PABIR2: variants seen among roughly 807,000 people sequenced by gnomAD.
The protein encoded by PABIR2 is PABIR family member 2, also known as family with sequence similarity 122B.
PABIR2 carries 7 observed loss-of-function variants against 22.8 expected under a neutral mutation model. The ratio of observed to expected loss-of-function variants is 0.31; its 90% CI spans 0.17 to 0.58. The LOEUF is 0.58. Among genes scored for constraint, PABIR2 ranks in the 20% least tolerant of loss-of-function variants. The probability of loss-of-function intolerance (pLI) is 0.89; values close to 1 mark genes in which losing one functional copy is unlikely to be tolerated. For missense variants in PABIR2, 155 were observed against 205.1 expected (o/e 0.76, Z 1.49); for synonymous variants, 67 against 73.8 (o/e 0.91, Z 0.47).
chrX:134,782,266 C>G (rs2079176779), intron 8 of PABIR2, among the ~76,000 whole-genome samples: 1 of 112,069 alleles, frequency 8.9e-6, no homozygotes, highest in Admixed American at 9.5e-5. Context: ...ATATTGTATG[C>G]TACATGGTTA....
chrX:134,787,679 G>A (rs1390000035), intron 6 of PABIR2, 146 bp from the exon 7 acceptor site: 58 of 505,864 alleles, frequency 1.1e-4, no homozygotes, highest in Non-Finnish European at 1.5e-4. Flanking sequence ...GCAGTGATGC[G>A]ATCATAGCTT....
chrX:134,788,997 A>G (rs1325126427), intron 5 of PABIR2, 88 bp downstream of exon 5: 9 of 1,120,267 alleles, frequency 8.0e-6, no homozygotes, highest in Non-Finnish European at 3.7e-6. Flanking sequence ...TAGAAGGGGA[A>G]AGAAGTGTGC....
At chrX:134,785,075 CAG>C (rs1383863503) in intron 8 of PABIR2, among the ~76,000 whole-genome samples, 2 of 111,502 alleles carry the variant, frequency 1.8e-5, no homozygotes, top group Non-Finnish European at 3.8e-5. Flanking sequence ...ATTTAGATAA[CAG>C]AGAGGCAATT....
chrX:134,787,601 G>GT (rs1330472620), intron 6 of PABIR2, 68 bp from the exon 7 acceptor site: 4 of 378,449 alleles, frequency 1.1e-5, no homozygotes, highest in South Asian at 9.4e-5. Context: ...TAGCACTCCA[G>GT]TTTTCTTTCT....
At chrX:134,786,034 A>G in intron 7 of PABIR2, 84 bp from the exon 8 acceptor site, 1 of 853,763 alleles carries the variant, frequency 1.2e-6, no homozygotes, top group South Asian at 2.2e-5. Context: ...AAATACATAA[A>G]TAAAATGGAC....
intron 9 of PABIR2, among the ~76,000 whole-genome samples, chrX:134,775,391 G>A (rs1303927954): frequency 9.2e-6 from 1 of 108,400 alleles, no homozygotes; most frequent in African/African-American, 3.4e-5. Context: ...GGTGGCGGGC[G>A]CCTGTAGTCC....
At chrX:134,791,362 G>C (rs778045516) in intron 2 of PABIR2, among the ~76,000 whole-genome samples, 29 of 111,174 alleles carry the variant, frequency 2.6e-4, no homozygotes, top group African/African-American at 9.2e-4. Context: ...TGGAGTTGTG[G>C]TAGAAGCAGC....
Position 134,770,284 on chromosome X carries a change from A to G in PABIR2, c.*1855T>C, listed in dbSNP as rs2078818881. 1 of 112,473 alleles carries G rather than the reference A, an allele frequency of 8.9e-6. No homozygotes were observed. The highest frequency in any genetic ancestry group is 3.7e-4 in the South Asian group (1 of 2,707). The allele number at this position is 112,473 out of a possible 1,213,427, so 9.3% of individuals were successfully genotyped here. A position where few individuals can be genotyped will look rare whatever the true frequency, so the allele number is the denominator to read the frequency against. ...TACCATCGAAGAATTTTTTCTTTATAATGGCATACTAGGGGACAAGCTTCA... is the reference window on the plus strand; with the variant it reads ...TACCATCGAAGAATTTTTTCTTTATGATGGCATACTAGGGGACAAGCTTCA... On this transcript the variant is annotated 3_prime_UTR_variant, in exon 10 of 10. Transcript: ENST00000343004.
In PABIR2 at chrX:134,789,211, C is replaced by T; in HGVS notation, c.278+12G>A. The T allele has an allele frequency of 8.3e-7, 1 of 1,212,112 alleles. No individual in the cohort carries two copies. Among genetic ancestry groups the T allele is most frequent in the Non-Finnish European group, 1.1e-6 (1 of 895,558 alleles). Reference sequence around the variant, plus strand: ...CTTATTAGGCTAGGCCCTGCTCTTGCAAAGCACTAACCTTTCATGTGCAGT... The same window carrying T: ...CTTATTAGGCTAGGCCCTGCTCTTGTAAAGCACTAACCTTTCATGTGCAGT... On this transcript the variant is annotated intron_variant, in intron 4 of 9. Coordinates refer to ENST00000343004, the MANE Select transcript of PABIR2 (RefSeq NM_001387468.1).
intron 2 of PABIR2, among the ~76,000 whole-genome samples, chrX:134,791,922 C>T (rs184986027): frequency 6.3e-5 from 7 of 111,713 alleles, no homozygotes; most frequent in East Asian, 5.6e-4. Flanking sequence ...CGCCAACCCC[C>T]GGTCACCAAA....
intron 9 of PABIR2, among the ~76,000 whole-genome samples, chrX:134,780,476 G>A (rs1302291901): frequency 9.0e-6 from 1 of 111,714 alleles, no homozygotes; most frequent in Non-Finnish European, 1.9e-5. Context: ...CTACTCGGGA[G>A]GCTGAGGCAG....
intron 6 of PABIR2, 78 bp from the exon 7 acceptor site, chrX:134,787,611 T>A (rs1201000756): frequency 1.6e-3 from 178 of 114,466 alleles, no homozygotes; most frequent in Non-Finnish European, 2.3e-3. Flanking sequence ...GTTTTCTTTC[T>A]TTTTTTTTTT....
At chrX:134,789,202 C>A in intron 4 of PABIR2, 21 bp downstream of exon 4, 1 of 1,212,065 alleles carries the variant, frequency 8.3e-7, no homozygotes, top group Non-Finnish European at 1.1e-6. Context: ...AGGCTAGGCC[C>A]TGCTCTTGCA....
At chrX:134,777,602 C>G (rs781181587) in intron 9 of PABIR2, among the ~76,000 whole-genome samples, 1 of 109,205 alleles carries the variant, frequency 9.2e-6, no homozygotes, top group East Asian at 2.9e-4. Context: ...TTTGGGAGGC[C>G]GAGGCGGGTG....
intron 1 of PABIR2, among the ~76,000 whole-genome samples, chrX:134,794,543 A>T (rs181370266): frequency 9.0e-6 from 1 of 111,685 alleles, no homozygotes; most frequent in Non-Finnish European, 1.9e-5. Context: ...ACGGAATGCA[A>T]TCACTCTCTC....
In PABIR2 at chrX:134,789,069, C is replaced by T; in HGVS notation, c.333+16G>A. Reference sequence around the variant, plus strand: ...TTCTAGAAAATGAAAACCAAACAGACATGAGCAAACTTTACCAGGCTCAAG... The same window carrying T: ...TTCTAGAAAATGAAAACCAAACAGATATGAGCAAACTTTACCAGGCTCAAG... On this transcript the variant is annotated intron_variant, in intron 5 of 9. Transcript: ENST00000343004. 1 of 1,211,601 alleles carries T rather than the reference C, an allele frequency of 8.3e-7. No individual in the cohort carries two copies. The highest frequency in any genetic ancestry group is 1.1e-6 in the Non-Finnish European group (1 of 895,252).
Position 134,797,054 on chromosome X carries a change from T to G in PABIR2, c.-849A>C, listed in dbSNP as rs1242668683. 1 of 113,902 alleles carries G rather than the reference T, an allele frequency of 8.8e-6. No homozygotes were observed. Among genetic ancestry groups the G allele is most frequent in the African/African-American group, 3.2e-5 (1 of 31,169 alleles). 9.4% of individuals were successfully genotyped at this position (113,902 alleles called of 1,213,427 possible). On this transcript the variant is annotated 5_prime_UTR_variant, in exon 1 of 10. Transcript: ENST00000343004. ...GCCTCTCAGCCGCCGCCGCGGTGCC[T>G]CCTCTTCCTCTCTCGGGTTCTAATG...
chrX:134,791,292 A>C (rs1569433210), intron 2 of PABIR2, among the ~76,000 whole-genome samples: 2 of 111,182 alleles, frequency 1.8e-5, no homozygotes, highest in African/African-American at 6.5e-5. Context: ...ATAAGCAACG[A>C]GGCCCCTGAC....
chrX:134,778,303 G>A (rs999168016), intron 9 of PABIR2, among the ~76,000 whole-genome samples: 5 of 103,959 alleles, frequency 4.8e-5, no homozygotes, highest in Admixed American at 1.0e-4. Context: ...TCAGGAGTTC[G>A]ATACCAGCCT....
Sources: gnomAD v4.1 joint callset for allele counts (sites outside exome capture counted in the v4.1 genomes callset) on GRCh38, gnomAD v4.1.1 for gene constraint, MANE v1.5 for transcripts, NCBI Gene and HGNC (gene_info 2026-07-23, HGNC 2026-07-21) for gene names.